The following PECR variants were observed in gnomAD, a reference collection of about 807,000 sequenced individuals.
PECR encodes peroxisomal trans-2-enoyl-CoA reductase.
Under a neutral mutation model 35.3 loss-of-function variants are expected in PECR, and 30 were observed. That is an observed-to-expected ratio of 0.85 (90% CI 0.64 to 1.15). PECR has a LOEUF of 1.15. PECR is among the 50% of genes most tolerant of loss of function. The pLI is 0.00. For synonymous variants in PECR, 148 were observed against 138.9 expected (o/e 1.07, Z -0.46); for missense variants, 392 against 370.8 (o/e 1.06, Z -0.47).
At chr2:216,045,756 TGTTA>T (rs776508598) in intron 6 of PECR, among the ~76,000 whole-genome samples, 1 of 152,250 alleles carries the variant, frequency 6.6e-6, no homozygotes, top group Non-Finnish European at 1.5e-5. Flanking sequence ...TGAACATGTT[TGTTA>T]AAGTCAGCGC....
chr2:216,066,619 C>T, intron 1 of PECR, 101 bp from the exon 2 acceptor site: 1 of 1,003,192 alleles, frequency 1.0e-6, no homozygotes, highest in Non-Finnish European at 1.6e-6. Context: ...AATAAATATG[C>T]CTTCATGAGT....
intron 3 of PECR, among the ~76,000 whole-genome samples, chr2:216,061,970 A>ATG (rs5838567): frequency 3.2e-4 from 48 of 150,522 alleles, no homozygotes; most frequent in African/African-American, 8.3e-4. Flanking sequence ...GTGTGTGAGT[A>ATG]TGTGTGTGTG....
chr2:216,043,925 T>C lies in PECR; in HGVS notation c.805A>G (p.Thr269Ala), dbSNP rs769228139. 2 of 1,597,050 alleles carry C rather than the reference T, an allele frequency of 1.3e-6. No homozygotes were observed. Among genetic ancestry groups the C allele is most frequent in the African/African-American group, 1.3e-5 (1 of 74,590 alleles). The stretch of plus-strand genomic sequence containing the variant: ...TCACCTGGTACCTCATACGAGTGAG[T>C]ATAGAGACTCCGGCCCCCATCCACA... ...VDVDGGRSLYTHSYEVPDHDN... is the reference protein window; with the variant it reads ...VDVDGGRSLYAHSYEVPDHDN... Residue 269 changes from threonine to alanine, a missense_variant, in exon 7 of 8, where the codon ACT becomes GCT. By Grantham distance (58) the Thr-to-Ala change is moderately conservative (BLOSUM62 0). Coordinates refer to ENST00000265322, the MANE Select transcript of PECR (RefSeq NM_018441.6).
At chr2:216,066,353 A>C (rs762054375) in intron 2 of PECR, 32 bp downstream of exon 2, 1 of 1,589,210 alleles carries the variant, frequency 6.3e-7, no homozygotes, top group Non-Finnish European at 8.6e-7. Context: ...ATTACAATGA[A>C]TGAATAAATG....
intron 5 of PECR, among the ~76,000 whole-genome samples, chr2:216,050,420 A>G (rs549572630): frequency 6.6e-6 from 1 of 152,358 alleles, no homozygotes; most frequent in South Asian, 2.1e-4. Flanking sequence ...CTTTTATTTA[A>G]AGAGGATAAA....
chr2:216,037,856 G>T (rs551557651), downstream of PECR, among the ~76,000 whole-genome samples: 2 of 151,046 alleles, frequency 1.3e-5, no homozygotes, highest in African/African-American at 4.9e-5. Flanking sequence ...AGGCCAAAGC[G>T]GGCAGATCAC....
At chr2:216,035,697 G>A (rs890923292), downstream of PECR, among the ~76,000 whole-genome samples, 3 of 151,988 alleles carry the variant, frequency 2.0e-5, no homozygotes, top group Non-Finnish European at 4.4e-5. Flanking sequence ...ATGTTGGCCA[G>A]GCTGGTCTCA....
chr2:216,050,999 T>C (rs905275536), intron 5 of PECR: 10 of 163,018 alleles, frequency 6.1e-5, no homozygotes, highest in African/African-American at 2.2e-4. Context: ...TAATTAGACC[T>C]TCTGGGCCGG....
chr2:216,064,127 G>A (rs1233218195), intron 3 of PECR: 1 of 152,148 alleles, frequency 6.6e-6, no homozygotes, highest in Non-Finnish European at 1.5e-5. Context: ...TCTTGGATTG[G>A]TAAGACATTG....
intron 1 of PECR, among the ~76,000 whole-genome samples, chr2:216,069,444 T>C (rs960124607): frequency 1.3e-5 from 2 of 152,102 alleles, no homozygotes; most frequent in Admixed American, 6.6e-5. Context: ...AAATGAAAAT[T>C]TGTAACACTG....
At chr2:216,030,629 C>T (rs898891722) in intron 7 of PECR, among the ~76,000 whole-genome samples, 10 of 151,944 alleles carry the variant, frequency 6.6e-5, no homozygotes, top group Non-Finnish European at 1.3e-4. Flanking sequence ...CTGCAACCTC[C>T]GCCCCCAGGT....
intron 3 of PECR, among the ~76,000 whole-genome samples, chr2:216,060,844 T>C (rs1695324691): frequency 6.6e-6 from 1 of 151,420 alleles, no homozygotes; most frequent in South Asian, 2.1e-4. Context: ...TGAATAAAAA[T>C]AAATTCCATT....
At chr2:216,074,487 AG>A (rs1323423537) in intron 1 of PECR, among the ~76,000 whole-genome samples, 2 of 143,416 alleles carry the variant, frequency 1.4e-5, no homozygotes, top group Admixed American at 7.2e-5. Flanking sequence ...AGAGAAAGAA[AG>A]AAAAAAAGGA....
intron 4 of PECR, among the ~76,000 whole-genome samples, chr2:216,054,582 C>G (rs1054616170): frequency 6.6e-6 from 1 of 151,550 alleles, no homozygotes; most frequent in Non-Finnish European, 1.5e-5. Context: ...GTGATCTACC[C>G]ACCTCAGCCT....
At chr2:216,070,648 CA>C (rs1226199411) in intron 1 of PECR, among the ~76,000 whole-genome samples, 1 of 152,114 alleles carries the variant, frequency 6.6e-6, no homozygotes, top group Admixed American at 6.6e-5. Flanking sequence ...AGGAAGGGGC[CA>C]GGGGAAGAAG....
chr2:216,053,376 T>C (rs1695158173), intron 4 of PECR, among the ~76,000 whole-genome samples: 1 of 152,080 alleles, frequency 6.6e-6, no homozygotes, highest in African/African-American at 2.4e-5. Flanking sequence ...CCCGAGTAGC[T>C]GGGACTACAG....
At chr2:216,055,234 T>C (rs1695201207) in intron 4 of PECR, among the ~76,000 whole-genome samples, 1 of 151,668 alleles carries the variant, frequency 6.6e-6, no homozygotes, top group African/African-American at 2.4e-5. Flanking sequence ...GGTCGGGGGT[T>C]CGAGACCACC....
chr2:216,045,715 C>T (rs1248895193), intron 6 of PECR, among the ~76,000 whole-genome samples: 1 of 152,182 alleles, frequency 6.6e-6, no homozygotes, highest in Non-Finnish European at 1.5e-5. Flanking sequence ...GGTTTTAACC[C>T]TGTTTGATCC....
chr2:216,029,347 G>A (rs1029687736), intron 7 of PECR, among the ~76,000 whole-genome samples: 2 of 152,112 alleles, frequency 1.3e-5, no homozygotes, highest in South Asian at 2.1e-4. Context: ...GCGTGGTGGC[G>A]CGCTTCTGTA....
Sources: allele counts gnomAD v4.1 joint callset (sites outside exome capture counted in the v4.1 genomes callset), GRCh38; gene constraint gnomAD v4.1.1; transcripts MANE v1.5; gene names NCBI Gene and HGNC (gene_info 2026-07-23, HGNC 2026-07-21).